ANK2: variants seen among roughly 807,000 people sequenced by gnomAD.
ANK2 encodes ankyrin 2.
Under a neutral mutation model 360.5 loss-of-function variants are expected in ANK2, and 83 were observed. The observed-to-expected ratio is 0.23, with a 90% CI of 0.19 to 0.28. ANK2 has a LOEUF of 0.28. Ranked by LOEUF, ANK2 falls within the 10% of genes least tolerant of loss-of-function variation. The probability of loss-of-function intolerance (pLI) is 1.00; values close to 1 mark genes in which losing one functional copy is unlikely to be tolerated. For missense variants in ANK2, 4,201 were observed against 4,795.7 expected, an observed-to-expected ratio of 0.88 and a Z score of 3.66; for synonymous variants, 1,740 against 1,759.5, an observed-to-expected ratio of 0.99 and a Z score of 0.28.
At chr4:112,942,150 A>G (rs1194592309) in intron 2 of ANK2, among the ~76,000 whole-genome samples, 2 of 152,030 alleles carry the variant, frequency 1.3e-5, no homozygotes, top group African/African-American at 2.4e-5. Flanking sequence ...TTTAGTTCCC[A>G]AGCTCTGTTA....
intron 1 of ANK2, among the ~76,000 whole-genome samples, chr4:113,121,067 T>C (rs1482804256): frequency 6.6e-6 from 1 of 152,184 alleles, no homozygotes; most frequent in East Asian, 1.9e-4. Context: ...ATTATTTTAA[T>C]TTATACTATT....
intron 2 of ANK2, among the ~76,000 whole-genome samples, chr4:112,940,838 A>T (rs1328202323): frequency 1.3e-5 from 2 of 152,104 alleles, no homozygotes; most frequent in African/African-American, 4.8e-5. Context: ...TTTTCTCTTG[A>T]TGAAAGCACA....
At chr4:112,768,551 G>C in the ANK2 span, among the ~76,000 whole-genome samples, 1 of 151,584 alleles carries the variant, frequency 6.6e-6, no homozygotes, top group South Asian at 2.1e-4. Flanking sequence ...ACCGCACCCG[G>C]CTTTTTCATT....
At chr4:112,957,007 G>GTTTTTTTTTTTTT (rs56066718) in intron 2 of ANK2, among the ~76,000 whole-genome samples, 2 of 66,484 alleles carry the variant, frequency 3.0e-5, no homozygotes, top group African/African-American at 6.0e-5. Context: ...TATTGCTCTT[G>GTTTTTTTTTTTTT]TTTTTTTTTT....
At chr4:112,959,418 A>G (rs1295688089) in intron 2 of ANK2, among the ~76,000 whole-genome samples, 2 of 152,174 alleles carry the variant, frequency 1.3e-5, no homozygotes, top group Non-Finnish European at 2.9e-5. Context: ...TCTCTCCCGC[A>G]GATAAAAGGG....
intron 29 of ANK2, among the ~76,000 whole-genome samples, chr4:113,333,750 C>T (rs1276929529): frequency 1.3e-5 from 2 of 152,104 alleles, no homozygotes; most frequent in African/African-American, 4.8e-5. Context: ...CATTCAATTT[C>T]CTACCTATAA....
In ANK2 at chr4:112,826,172, A is replaced by G. The variant is rs2058370531; in HGVS notation, c.-40+7908A>G. ...TATTTAGGGACATTTCACAGATGGTAAGATGAACTTGCCCCAAATGTGTGA... is the reference window on the plus strand; with the variant it reads ...TATTTAGGGACATTTCACAGATGGTGAGATGAACTTGCCCCAAATGTGTGA... On this transcript the variant is annotated intron_variant, in intron 1 of 30. Transcript: ENST00000503271. 3.2e-5 allele frequency: 9 copies of G among 285,150 alleles called. 1 individual carries two copies. The South Asian group carries it at 4.1e-4, about 13-fold the overall frequency. 17.7% of individuals were successfully genotyped at this position (285,150 alleles called of 1,614,324 possible). A position where few individuals can be genotyped will look rare whatever the true frequency, so the allele number is the denominator to read the frequency against.
At chr4:112,960,204 T>C (rs13102573) in intron 2 of ANK2, among the ~76,000 whole-genome samples, 1 of 152,098 alleles carries the variant, frequency 6.6e-6, no homozygotes, top group African/African-American at 2.4e-5. Flanking sequence ...TATCGGGAGG[T>C]GCCATTAGGC....
At chr4:112,934,378 G>A (rs2093548322) in intron 2 of ANK2, among the ~76,000 whole-genome samples, 1 of 152,154 alleles carries the variant, frequency 6.6e-6, no homozygotes, top group Non-Finnish European at 1.5e-5. Context: ...GTGGCTTCAT[G>A]AGTCCCTGTT....
intron 1 of ANK2, among the ~76,000 whole-genome samples, chr4:113,141,916 G>A (rs981399949): frequency 3.3e-5 from 5 of 152,170 alleles, no homozygotes; most frequent in Non-Finnish European, 7.4e-5. Flanking sequence ...AATAATAACA[G>A]TAAAAGGGCC....
intron 2 of ANK2, among the ~76,000 whole-genome samples, chr4:112,968,244 T>C (rs1271229578): frequency 6.6e-6 from 1 of 152,226 alleles, no homozygotes; most frequent in African/African-American, 2.4e-5. Flanking sequence ...CGCTGAATAA[T>C]GTTCAGATGC....
At chr4:112,831,197 C>T (rs114326632) in intron 1 of ANK2, among the ~76,000 whole-genome samples, 2,748 of 152,296 alleles carry the variant, frequency 0.018, 90 homozygotes, top group African/African-American at 0.063. Flanking sequence ...TGCGGGCACG[C>T]GGCGTGGGAC....
At chr4:112,961,022 T>A (rs1377004730) in intron 2 of ANK2, among the ~76,000 whole-genome samples, 2 of 152,008 alleles carry the variant, frequency 1.3e-5, no homozygotes, top group Non-Finnish European at 2.9e-5. Context: ...TAAACTATAT[T>A]AAAAATTCTT....
chr4:112,818,425 A>T (rs949025243), intron 1 of ANK2, among the ~76,000 whole-genome samples: 2 of 152,122 alleles, frequency 1.3e-5, no homozygotes, highest in Non-Finnish European at 2.9e-5. Context: ...GGCAGCGCTG[A>T]TGTGCAAATG....
intron 1 of ANK2, chr4:113,070,149 C>T (rs2154339940): frequency 6.6e-6 from 1 of 152,290 alleles, no homozygotes; most frequent in East Asian, 1.9e-4. Context: ...CCGCTCCATG[C>T]CTTTCTGCTC....
intron 2 of ANK2, among the ~76,000 whole-genome samples, chr4:113,017,030 T>G (rs1445657547): frequency 2.0e-5 from 3 of 152,208 alleles, no homozygotes; most frequent in Admixed American, 6.5e-5. Flanking sequence ...AGTATACACT[T>G]AGAAATGTGG....
In ANK2 at chr4:113,207,646, A is replaced by G. The variant is rs74488490; in HGVS notation, c.384+8537A>G. 1.0e-2 allele frequency among the ~76,000 whole-genome samples: 1,512 copies of G among 151,700 alleles called. 17 individuals are homozygous for G. The highest frequency in any genetic ancestry group is 0.02 in the African/African-American group (843 of 41,318). ...ACTAAGAAGCTAGGTGAAACCATCA[A>G]GAACCAAAATGGTGATCCTTTGAGG... is the stretch of plus-strand genomic sequence containing the variant. On this transcript the variant is annotated intron_variant, in intron 4 of 45. Coordinates refer to ENST00000357077, the MANE Select transcript of ANK2 (RefSeq NM_001148.6).
Position 113,143,289 on chromosome 4 carries a change from T to C in ANK2, c.85-31127T>C, listed in dbSNP as rs201594684. 3.8e-3 allele frequency among the ~76,000 whole-genome samples: 134 copies of C among 34,918 alleles called. 2 individuals carry two copies. The highest frequency in any genetic ancestry group is 1.2e-3 in the Non-Finnish European group (20 of 17,256). 22.9% of individuals were successfully genotyped at this position (34,918 alleles called of 152,430 possible). ...GCAAGAGAAAGGAAAGCTTTAAAATTAAAGGCATGGCGGTGGAATGGGTAT... is the reference window on the plus strand; with the variant it reads ...GCAAGAGAAAGGAAAGCTTTAAAATCAAAGGCATGGCGGTGGAATGGGTAT... On this transcript the variant is annotated intron_variant, in intron 1 of 45. Coordinates refer to ENST00000357077, the MANE Select transcript of ANK2 (RefSeq NM_001148.6).
chr4:113,353,107 G>A lies in ANK2; in HGVS notation c.4489G>A (p.Val1497Ile), dbSNP rs1305663766. 1 of 1,613,976 alleles carries A rather than the reference G, an allele frequency of 6.2e-7. No individual in the cohort carries two copies. The highest frequency in any genetic ancestry group is 8.5e-7 in the Non-Finnish European group (1 of 1,179,910). ...AAGTCACCTGGTTAATGAAGTTCCTGTCCTAGCAAGTCCGGACTTGCTCTC... is the reference window on the plus strand; with the variant it reads ...AAGTCACCTGGTTAATGAAGTTCCTATCCTAGCAAGTCCGGACTTGCTCTC... ...LKSHLVNEVP[V>I]LASPDLLSEV... The change falls in exon 38 of 46, where the codon GTC (valine) becomes ATC (isoleucine). Residue 1497 changes from valine (V) to isoleucine (I), a missense_variant. This residue lies in a region of ANK2 where 1,268 missense variants were observed against 1,650.8 expected (regional missense o/e 0.77). Coordinates refer to ENST00000357077, the MANE Select transcript of ANK2 (RefSeq NM_001148.6).
Sources: allele counts gnomAD v4.1 joint callset (sites outside exome capture counted in the v4.1 genomes callset), GRCh38; gene constraint gnomAD v4.1.1; regional missense constraint gnomAD v4.1.1; transcripts MANE v1.5; gene names NCBI Gene and HGNC (gene_info 2026-07-23, HGNC 2026-07-21).